Variants in COL23A1 observed in about 807,000 individuals in gnomAD.
COL23A1 encodes the protein collagen type XXIII alpha 1 chain.
In COL23A1, 97 loss-of-function variants were observed where a neutral mutation model predicts 99.3. That is an observed-to-expected ratio of 0.98 (90% CI 0.83 to 1.16). The LOEUF is 1.16. COL23A1 is among the 50% of genes most tolerant of loss of function. The probability of loss-of-function intolerance (pLI) is 0.00; values close to 1 mark genes in which losing one functional copy is unlikely to be tolerated. For synonymous variants in COL23A1, 320 were observed against 308.2 expected (o/e 1.04, Z -0.40); for missense variants, 762 against 757.4 (o/e 1.01, Z -0.07).
rs1454318657 is a variant in COL23A1 at position 178,489,773 on chromosome 5, ACCCAGAGG to A, written c.361+70901_361+70908del. Among the ~76,000 whole-genome samples the A allele has an allele frequency of 2.0e-5, 3 of 152,214 alleles. No homozygotes were observed. The East Asian group carries it at 5.8e-4, about 29-fold the overall frequency. On this transcript the variant is annotated intron_variant, in intron 2 of 28. Coordinates refer to ENST00000390654, the MANE Select transcript of COL23A1 (RefSeq NM_173465.4). ...GCAGCAATTCCGCTCCTCGATACAGACCCAGAGGCCATGAAAGCTGGGACTTGAACAGG... is the reference window on the plus strand; with the variant it reads ...GCAGCAATTCCGCTCCTCGATACAGACCATGAAAGCTGGGACTTGAACAGG...
intron 2 of COL23A1, among the ~76,000 whole-genome samples, chr5:178,354,228 TGGGATAGG>T (rs1761495270): frequency 6.6e-6 from 1 of 152,172 alleles, no homozygotes. Context: ...ACTGATTGAC[TGGGATAGG>T]GTCTTCCTAT....
chr5:178,515,523 C>A (rs1440610946), intron 2 of COL23A1, among the ~76,000 whole-genome samples: 1 of 152,170 alleles, frequency 6.6e-6, no homozygotes, highest in African/African-American at 2.4e-5. Flanking sequence ...CATCCCACTC[C>A]AGGCTCCTCA....
At chr5:178,467,889 T>C (rs185536947) in intron 2 of COL23A1, among the ~76,000 whole-genome samples, 12 of 152,292 alleles carry the variant, frequency 7.9e-5, no homozygotes, top group African/African-American at 2.9e-4. Context: ...GTCCGAGGCC[T>C]GCCTTCCATG....
intron 2 of COL23A1, among the ~76,000 whole-genome samples, chr5:178,523,185 T>TACAC (rs1410690216): frequency 1.5e-4 from 7 of 48,158 alleles, no homozygotes; most frequent in Admixed American, 3.0e-4. Flanking sequence ...TATACACATA[T>TACAC]ATATATATAT....
chr5:178,303,556 G>C (rs991652437), intron 3 of COL23A1, among the ~76,000 whole-genome samples: 1 of 152,160 alleles, frequency 6.6e-6, no homozygotes, highest in African/African-American at 2.4e-5. Context: ...TTTTTAGAAA[G>C]AGTTTCTTGG....
At chr5:178,283,779 G>A (rs1246723919) in intron 5 of COL23A1, among the ~76,000 whole-genome samples, 1 of 152,216 alleles carries the variant, frequency 6.6e-6, no homozygotes, top group Non-Finnish European at 1.5e-5. Flanking sequence ...TGAGTGACAG[G>A]TGGTTTCATC....
chr5:178,256,669 T>C (rs539741856), intron 14 of COL23A1, among the ~76,000 whole-genome samples, 197 bp downstream of exon 14: 1 of 152,294 alleles, frequency 6.6e-6, no homozygotes, highest in African/African-American at 2.4e-5. Context: ...TGGGCACCAG[T>C]GGAGGCCTTG....
In COL23A1 at chr5:178,307,561, G is replaced by A. The variant is rs1371683527; in HGVS notation, c.362-642C>T. Among the ~76,000 whole-genome samples, 3 of 152,124 alleles carry A rather than the reference G, an allele frequency of 2.0e-5. No homozygotes were observed. The highest frequency in any genetic ancestry group is 2.9e-5 in the Non-Finnish European group (2 of 68,020). On this transcript the variant is annotated intron_variant, in intron 2 of 28. Transcript: ENST00000390654. This position sits in a 1 kb window ranked among gnomAD's most constrained non-coding sequence, Gnocchi z 4.2. ...GCGCTATAAGCCCTTCTGAATTTAC[G>A]GTGCAGAACCCCCTACCTCCGCCTC...
In COL23A1 at chr5:178,247,820, T is replaced by C. The variant is rs200475672; in HGVS notation, c.1224A>G (p.Ile408Met). The change falls in exon 21 of 29, where the codon ATA becomes ATG. Residue 408 changes from isoleucine to methionine, a missense_variant. Transcript: ENST00000390654. ...GGGGGCCAGGGGGCCCTGGCTCCAC[T>C]ATGAGCTGAGCCTAGGGAGGGTGAG... The part of the protein sequence containing the change: ...DSLQESLAQL[I>M]VEPGPPGPPG... 733 of 1,612,924 alleles carry C rather than the reference T, an allele frequency of 4.5e-4. 1 individual carries two copies. Among genetic ancestry groups the C allele is most frequent in the Non-Finnish European group, 5.8e-4 (683 of 1,179,454 alleles).
chr5:178,463,064 T>G (rs1190249623), intron 2 of COL23A1, among the ~76,000 whole-genome samples: 1 of 152,216 alleles, frequency 6.6e-6, no homozygotes, highest in African/African-American at 2.4e-5. Flanking sequence ...GATGGTTAGG[T>G]GCAATTTCAC....
At chr5:178,506,277 A>G (rs1388330272) in intron 2 of COL23A1, among the ~76,000 whole-genome samples, 1 of 152,088 alleles carries the variant, frequency 6.6e-6, no homozygotes, top group African/African-American at 2.4e-5. Context: ...GGCCTACCAA[A>G]TGACTGACAG....
chr5:178,482,664 A>T (rs988625253), intron 2 of COL23A1, among the ~76,000 whole-genome samples: 3 of 151,128 alleles, frequency 2.0e-5, no homozygotes, highest in African/African-American at 7.3e-5. Context: ...GAGGCCGAGG[A>T]GGGCAGATCA....
chr5:178,576,872 G>A (rs1042701573), intron 1 of COL23A1, among the ~76,000 whole-genome samples: 1 of 151,730 alleles, frequency 6.6e-6, no homozygotes, highest in African/African-American at 2.4e-5. Flanking sequence ...ACGGGAGGCC[G>A]CCTGGGTTCG....
intron 2 of COL23A1, among the ~76,000 whole-genome samples, chr5:178,378,518 T>C (rs1375266512): frequency 6.6e-6 from 1 of 152,138 alleles, no homozygotes; most frequent in Non-Finnish European, 1.5e-5. Context: ...ATCAGAGTAG[T>C]AAAACCAGAG....
intron 2 of COL23A1, chr5:178,344,834 T>G: frequency 1.4e-6 from 1 of 716,336 alleles, no homozygotes; most frequent in Non-Finnish European, 2.4e-6. Flanking sequence ...CCCATGGATC[T>G]CATTGAAGAT....
intron 2 of COL23A1, among the ~76,000 whole-genome samples, chr5:178,532,054 G>T (rs1258801617): frequency 2.0e-5 from 3 of 152,224 alleles, no homozygotes; most frequent in Non-Finnish European, 2.9e-5. Flanking sequence ...CATGAGTGCA[G>T]GCTGGCTGGG....
intron 2 of COL23A1, among the ~76,000 whole-genome samples, chr5:178,549,822 CAAAACAAAAACA>C (rs1208623727): frequency 3.3e-5 from 5 of 150,530 alleles, no homozygotes; most frequent in East Asian, 1.9e-4. Flanking sequence ...TCTCAAAAAA[CAAAACAAAAACA>C]AAAACAAAAA....
intron 2 of COL23A1, among the ~76,000 whole-genome samples, chr5:178,402,820 A>C (rs1764520977): frequency 6.6e-6 from 1 of 152,198 alleles, no homozygotes; most frequent in African/African-American, 2.4e-5. Flanking sequence ...CGTTTCCTCC[A>C]AATATGTACA....
chr5:178,423,468 C>T (rs965447697), intron 2 of COL23A1, among the ~76,000 whole-genome samples: 1 of 152,142 alleles, frequency 6.6e-6, no homozygotes, highest in African/African-American at 2.4e-5. Flanking sequence ...TTATGAGATA[C>T]GCTTTGTGCC....
Sources: gnomAD v4.1 joint callset for allele counts (sites outside exome capture counted in the v4.1 genomes callset) on GRCh38, gnomAD v4.1.1 for gene constraint, Gnocchi (gnomAD v3.1) non-coding constraint, MANE v1.5 for transcripts, NCBI Gene and HGNC (gene_info 2026-07-23, HGNC 2026-07-21) for gene names.